PRPF39: variants seen among roughly 807,000 people sequenced by gnomAD.
PRPF39 encodes the protein pre-mRNA processing factor 39.
Under a neutral mutation model 82.1 loss-of-function variants are expected in PRPF39, and 27 were observed. The observed-to-expected ratio is 0.33, with a 90% confidence interval of 0.24 to 0.45. PRPF39 has a LOEUF of 0.45. Ranked by LOEUF, PRPF39 falls within the 20% of genes least tolerant of loss-of-function variation. The pLI, the probability that PRPF39 is intolerant of heterozygous loss-of-function variation, is 1.00. For synonymous variants in PRPF39, 261 were observed against 256.4 expected (o/e 1.02, Z -0.17); for missense variants, 581 against 796.9 (o/e 0.73, Z 3.26).
At chr14:45,088,063 A>G (rs1883900268) in intron 1 of PRPF39, among the ~76,000 whole-genome samples, 1 of 152,224 alleles carries the variant, frequency 6.6e-6, no homozygotes, top group Non-Finnish European at 1.5e-5. Context: ...GTATTGGTAG[A>G]TATGGTCCTT....
chr14:45,095,997 C>A, intron 2 of PRPF39, 106 bp from the exon 3 acceptor site: 1 of 1,068,278 alleles, frequency 9.4e-7, no homozygotes, highest in Non-Finnish European at 1.3e-6. Flanking sequence ...GTTTTTAAGC[C>A]TGCCATTTAT....
At chr14:45,085,183 T>C (rs1426330259) in intron 1 of PRPF39, among the ~76,000 whole-genome samples, 1 of 152,182 alleles carries the variant, frequency 6.6e-6, no homozygotes, top group African/African-American at 2.4e-5. Context: ...AGAACAAGCG[T>C]CTACTGTCAG....
chr14:45,112,292 A>G, intron 10 of PRPF39, 26 bp from the exon 11 acceptor site: 1 of 1,525,612 alleles, frequency 6.6e-7, no homozygotes, highest in Non-Finnish European at 8.8e-7. Flanking sequence ...TTTTAGAAAT[A>G]TTCATTGATG....
chr14:45,109,871 T>C, intron 8 of PRPF39, 91 bp downstream of exon 8: 5 of 1,519,788 alleles, frequency 3.3e-6, no homozygotes, highest in Non-Finnish European at 4.4e-6. Context: ...ATGTTGTTCA[T>C]ATAACTATAT....
At chr14:45,101,026 C>G (rs1015316324) in intron 4 of PRPF39, among the ~76,000 whole-genome samples, 1 of 152,190 alleles carries the variant, frequency 6.6e-6, no homozygotes, top group African/African-American at 2.4e-5. Context: ...ACACCAAATA[C>G]TCACACACAT....
chr14:45,108,575 A>C, intron 7 of PRPF39, 53 bp downstream of exon 7: 1 of 1,540,736 alleles, frequency 6.5e-7, no homozygotes, highest in South Asian at 1.3e-5. Flanking sequence ...GGAATAATTT[A>C]TTTTTCTTTC....
At chr14:45,106,951 G>T (rs1319348912) in intron 5 of PRPF39, among the ~76,000 whole-genome samples, 1 of 152,110 alleles carries the variant, frequency 6.6e-6, no homozygotes, top group Non-Finnish European at 1.5e-5. Flanking sequence ...ATGTGGATGA[G>T]GAGTATTTGG....
chr14:45,108,637 A>AT (rs1181901193), intron 7 of PRPF39, 115 bp downstream of exon 7: 1 of 1,295,202 alleles, frequency 7.7e-7, no homozygotes, highest in Non-Finnish European at 1.0e-6. Flanking sequence ...TATTTAAGCC[A>AT]TAACTTCAGA....
chr14:45,112,113 T>C (rs1884715419), intron 10 of PRPF39, among the ~76,000 whole-genome samples: 1 of 152,184 alleles, frequency 6.6e-6, no homozygotes, highest in South Asian at 2.1e-4. Context: ...GGTACTAGGA[T>C]GATCAACTGA....
At chr14:45,103,724 T>C (rs1884445136) in intron 5 of PRPF39, among the ~76,000 whole-genome samples, 1 of 152,126 alleles carries the variant, frequency 6.6e-6, no homozygotes, top group Non-Finnish European at 1.5e-5. Context: ...TGCTGAAAGA[T>C]GTTAACACAA....
chr14:45,101,459 A>AAT (rs1462350312), intron 4 of PRPF39, among the ~76,000 whole-genome samples: 1 of 148,340 alleles, frequency 6.7e-6, no homozygotes, highest in Non-Finnish European at 1.5e-5. Flanking sequence ...TTTGTAACAA[A>AAT]CTTTTTTTTT....
rs1594736393 is a variant in PRPF39 at position 45,110,187 on chromosome 14, C to T, written c.1270C>T (p.His424Tyr). 2 of 1,613,774 alleles carry T rather than the reference C, an allele frequency of 1.2e-6. No individual in the cohort carries two copies. Among genetic ancestry groups the T allele is most frequent in the South Asian group, 2.2e-5 (2 of 91,064 alleles). Reference sequence around the variant, plus strand: ...ACATCTCCCAAAGAAACCCATGGTGCATATGCTTTGGGCAGCTTTTGAGGA... The same window carrying T: ...ACATCTCCCAAAGAAACCCATGGTGTATATGCTTTGGGCAGCTTTTGAGGA... ...TIHLPKKPMV[H>Y]MLWAAFEEQQ... is the part of the protein sequence containing the mutation. The change falls in exon 9 of 14, where the codon CAT becomes TAT. Residue 424 changes from histidine (H) to tyrosine (Y), a missense_variant. His to Tyr is a moderately conservative substitution (Grantham distance 83). Transcript: ENST00000355765. This position sits in a 1 kb window ranked among gnomAD's most constrained non-coding sequence, Gnocchi z 4.0.
intron 3 of PRPF39, 161 bp from the exon 4 acceptor site, chr14:45,096,726 A>G (rs1884212560): frequency 1.3e-6 from 2 of 1,530,918 alleles, no homozygotes; most frequent in Non-Finnish European, 1.8e-6. Context: ...GGATCAGAAC[A>G]TTGCCATGTT....
In PRPF39 at chr14:45,115,922, T is replaced by G; in HGVS notation, c.*1009T>G. 1 of 364,182 alleles carries G rather than the reference T, an allele frequency of 2.7e-6. No homozygotes were observed. The highest frequency in any genetic ancestry group is 5.2e-6 in the Non-Finnish European group (1 of 193,120). The allele number at this position is 364,182 out of a possible 1,614,324, so 22.6% of individuals were successfully genotyped here. A position where few individuals can be genotyped will look rare whatever the true frequency, so the allele number is the denominator to read the frequency against. On this transcript the variant is annotated 3_prime_UTR_variant, in exon 14 of 14. Coordinates refer to ENST00000355765, the MANE Select transcript of PRPF39 (RefSeq NM_017922.4). ...TCAGATCAAGACAGTGGATCAATTTTTATTGAGCCACTTAAGTTTACAACA... is the reference window on the plus strand; with the variant it reads ...TCAGATCAAGACAGTGGATCAATTTGTATTGAGCCACTTAAGTTTACAACA...
chr14:45,109,529 T>C, intron 7 of PRPF39, 87 bp from the exon 8 acceptor site: 1 of 1,042,244 alleles, frequency 9.6e-7, no homozygotes, highest in Non-Finnish European at 1.3e-6. Flanking sequence ...ATCAATTATA[T>C]TTAAAATTAT....
intron 1 of PRPF39, 130 bp from the exon 2 acceptor site, chr14:45,095,091 T>C (rs1884155460): frequency 1.9e-6 from 1 of 518,420 alleles, no homozygotes; most frequent in East Asian, 3.1e-5. Context: ...TGATTCTGAC[T>C]TGTAGGGGAT....
intron 10 of PRPF39, among the ~76,000 whole-genome samples, chr14:45,111,430 G>T (rs1884692159): frequency 6.6e-6 from 1 of 151,942 alleles, no homozygotes; most frequent in African/African-American, 2.4e-5. Flanking sequence ...TGCCTCCTGG[G>T]TTCAAGTGAT....
chr14:45,107,805 T>G (rs28513185), intron 6 of PRPF39, among the ~76,000 whole-genome samples, 189 bp downstream of exon 6: 8,026 of 152,166 alleles, frequency 0.053, 696 homozygotes, highest in African/African-American at 0.18. Context: ...GGCACATGAC[T>G]GTAGTCCCAT....
intron 7 of PRPF39, 121 bp from the exon 8 acceptor site, chr14:45,109,495 G>T (rs1025267202): frequency 4.9e-6 from 4 of 817,440 alleles, no homozygotes; most frequent in Admixed American, 3.9e-5. Flanking sequence ...TTTAAATTAT[G>T]AAATATGATT....
Sources: allele counts gnomAD v4.1 joint callset (sites outside exome capture counted in the v4.1 genomes callset), GRCh38; gene constraint gnomAD v4.1.1; non-coding constraint Gnocchi (gnomAD v3.1); transcripts MANE v1.5; gene names NCBI Gene and HGNC (gene_info 2026-07-23, HGNC 2026-07-21).